Variants in MTHFD2 observed in about 807,000 individuals in gnomAD.
The protein encoded by MTHFD2 is bifunctional methylenetetrahydrofolate dehydrogenase/cyclohydrolase, mitochondrial.
A neutral mutation model predicts 36.8 loss-of-function variants in MTHFD2; 26 were observed. That is an observed-to-expected ratio of 0.71 (90% CI 0.52 to 0.98). The LOEUF is 0.98. Among genes scored for constraint, MTHFD2 ranks in the 50% least tolerant of loss-of-function variants. The pLI is 0.00. For synonymous variants in MTHFD2, 164 were observed against 155.2 expected (o/e 1.06, Z -0.42); for missense variants, 373 against 434.0 (o/e 0.86, Z 1.25).
chr2:74,211,893 A>T (rs756561557), intron 7 of MTHFD2, 27 bp downstream of exon 7: 6 of 1,589,172 alleles, frequency 3.8e-6, no homozygotes, highest in Admixed American at 1.7e-5. Context: ...TATTTTTAAA[A>T]ATGAAATCAA....
chr2:74,208,476 G>A (rs558715158), intron 3 of MTHFD2, 93 bp from the exon 4 acceptor site: 1 of 1,415,254 alleles, frequency 7.1e-7, no homozygotes, highest in Non-Finnish European at 9.7e-7. Flanking sequence ...AGCTGTAGAA[G>A]AATAGATTTC....
At position 74,211,214 on chromosome 2, in the gene MTHFD2, C is replaced by A. The variant is rs1455439368; in HGVS notation, c.686C>A (p.Thr229Lys). Residue 229 changes from threonine to lysine, a missense_variant, in exon 6 of 8, where the codon ACA (threonine) becomes AAA (lysine). By Grantham distance (78) the Thr-to-Lys change is moderately conservative. Coordinates refer to ENST00000394053, the MANE Select transcript of MTHFD2 (RefSeq NM_006636.4). ...TTCTTTCTAGGTGATGCCACTGTTA[C>A]AATATCTCATCGATATACTCCCAAA... ...HERPGGDATV[T>K]ISHRYTPKEQ... 3.7e-6 allele frequency: 6 copies of A among 1,604,094 alleles called. No homozygotes were observed. The African/African-American group carries it at 4.0e-5, about 11-fold the overall frequency.
chr2:74,203,859 T>TAGTTGAGTTG (rs1694102420), intron 1 of MTHFD2, among the ~76,000 whole-genome samples: 1 of 54,004 alleles, frequency 1.9e-5, no homozygotes, highest in South Asian at 4.5e-4. Context: ...TAGTTTAGTT[T>TAGTTGAGTTG]AGTTTAGTTT....
chr2:74,201,207 C>T (rs1172282697), intron 1 of MTHFD2, among the ~76,000 whole-genome samples: 1 of 151,866 alleles, frequency 6.6e-6, no homozygotes, highest in African/African-American at 2.4e-5. Flanking sequence ...AGGCTGGTCT[C>T]GACCTCCTGA....
At chr2:74,204,004 C>A (rs1296327412) in intron 1 of MTHFD2, among the ~76,000 whole-genome samples, 3 of 151,978 alleles carry the variant, frequency 2.0e-5, no homozygotes, top group African/African-American at 7.3e-5. Context: ...ACCTCTGCCT[C>A]CTGGGTTCAA....
At chr2:74,203,979 T>C (rs1207982723) in intron 1 of MTHFD2, among the ~76,000 whole-genome samples, 2 of 151,922 alleles carry the variant, frequency 1.3e-5, no homozygotes, top group Non-Finnish European at 2.9e-5. Flanking sequence ...AGTGGGGTGA[T>C]ATCAGCTCAC....
intron 6 of MTHFD2, 147 bp from the exon 7 acceptor site, chr2:74,211,594 A>T: frequency 1.3e-6 from 1 of 753,196 alleles, no homozygotes; most frequent in Non-Finnish European, 1.9e-6. Context: ...TAATAAAAGT[A>T]AATAGTTCCT....
At chr2:74,211,348 C>T in intron 6 of MTHFD2, 57 bp downstream of exon 6, 1 of 1,139,444 alleles carries the variant, frequency 8.8e-7, no homozygotes, top group Admixed American at 2.0e-5. Context: ...GAGGTTGTAC[C>T]CCTCATCTTA....
In MTHFD2 at chr2:74,211,297, A is replaced by C; in HGVS notation, c.763+6A>C. 1 of 1,571,376 alleles carries C rather than the reference A, an allele frequency of 6.4e-7. No homozygotes were observed. The highest frequency in any genetic ancestry group is 8.7e-7 in the Non-Finnish European group (1 of 1,143,528). On this transcript the variant is annotated splice_donor_region_variant and intron_variant, in intron 6 of 7. Coordinates refer to ENST00000394053, the MANE Select transcript of MTHFD2 (RefSeq NM_006636.4). ...TATTGTAATATCTGCTGCAGGTAAGAACACAAGGGGGATGGAGGGAAGGAC... is the reference window on the plus strand; with the variant it reads ...TATTGTAATATCTGCTGCAGGTAAGCACACAAGGGGGATGGAGGGAAGGAC...
At position 74,216,074 on chromosome 2, in the gene MTHFD2, T is replaced by C. The variant is rs1694437111; in HGVS notation, c.*1832T>C. On this transcript the variant is annotated 3_prime_UTR_variant, in exon 8 of 8. Coordinates refer to ENST00000394053, the MANE Select transcript of MTHFD2 (RefSeq NM_006636.4). ...GGCAGAAAGAGAAGAAACAATTGAG[T>C]TGACCTACCTCCGTCCTCGTTCTTC... 6.6e-6 allele frequency: 1 copy of C among 152,218 alleles called. No homozygotes were observed. Among genetic ancestry groups the C allele is most frequent in the Admixed American group, 6.5e-5 (1 of 15,278 alleles). 9.4% of individuals were successfully genotyped at this position (152,218 alleles called of 1,614,324 possible). A position where few individuals can be genotyped will look rare whatever the true frequency, so the allele number is the denominator to read the frequency against.
intron 7 of MTHFD2, among the ~76,000 whole-genome samples, chr2:74,212,395 T>C (rs10189152): frequency 5.7e-4 from 86 of 150,244 alleles, no homozygotes; most frequent in African/African-American, 2.0e-3. Context: ...GCCTCCCCAG[T>C]AGCCAGGACT....
At chr2:74,201,231 AC>A (rs1694036154) in intron 1 of MTHFD2, among the ~76,000 whole-genome samples, 1 of 151,860 alleles carries the variant, frequency 6.6e-6, no homozygotes, top group South Asian at 2.1e-4. Context: ...CAAATGATCC[AC>A]CCACCTTGAC....
rs745609691 is a variant in MTHFD2, at chr2:74,217,525, G to A, written c.*3283G>A. 2 of 152,164 alleles carry A rather than the reference G, an allele frequency of 1.3e-5. No individual in the cohort carries two copies. Among genetic ancestry groups the A allele is most frequent in the Non-Finnish European group, 2.9e-5 (2 of 68,026 alleles). 9.4% of individuals were successfully genotyped at this position (152,164 alleles called of 1,614,324 possible). A position where few individuals can be genotyped will look rare whatever the true frequency, so the allele number is the denominator to read the frequency against. ...GTATTGTTCACATGAATGGGAGTTT[G>A]ACTTTGGGAATAAACATTGAAAATT... On this transcript the variant is annotated 3_prime_UTR_variant, in exon 8 of 8. Coordinates refer to ENST00000394053, the MANE Select transcript of MTHFD2 (RefSeq NM_006636.4).
intron 7 of MTHFD2, 129 bp from the exon 8 acceptor site, chr2:74,213,949 TA>T: frequency 1.1e-6 from 1 of 927,286 alleles, no homozygotes; most frequent in Non-Finnish European, 1.6e-6. Context: ...TTGAATGATG[TA>T]GATGTGATTT....
Position 74,215,912 on chromosome 2 carries a change from C to T in MTHFD2, c.*1670C>T, listed in dbSNP as rs374153994. 3.0e-4 allele frequency: 46 copies of T among 152,330 alleles called. No homozygotes were observed. The highest frequency in any genetic ancestry group is 9.2e-4 in the African/African-American group (38 of 41,456). The allele number at this position is 152,330 out of a possible 1,614,324, so 9.4% of individuals were successfully genotyped here. ...GCGTGAGCCACTGCACCTGGCCTGT[C>T]CTACAGTCTTATATCACAACAGGTT... On this transcript the variant is annotated 3_prime_UTR_variant, in exon 8 of 8. Transcript: ENST00000394053.
Position 74,214,067 on chromosome 2 carries a change from GTTTCTA to G in MTHFD2, c.890-10_890-5del. The G allele has an allele frequency of 6.2e-7, 1 of 1,610,966 alleles. No individual in the cohort carries two copies. Among genetic ancestry groups the G allele is most frequent in the Admixed American group, 1.7e-5 (1 of 59,454 alleles). ...ATAACTAAAGCAGCCTGCCTGTCTT[GTTTCTA>G]TGTAGGAGTCAGACAAAAAGCTGGG... On this transcript the variant is annotated splice_polypyrimidine_tract_variant and splice_region_variant and intron_variant, in intron 7 of 7. Coordinates refer to ENST00000394053, the MANE Select transcript of MTHFD2 (RefSeq NM_006636.4).
chr2:74,209,869 T>C (rs1187653804), intron 4 of MTHFD2, 73 bp from the exon 5 acceptor site: 2 of 1,327,126 alleles, frequency 1.5e-6, no homozygotes, highest in East Asian at 5.1e-5. Context: ...ATTGGGTTCA[T>C]GTTCTAGGCC....
At chr2:74,209,204 T>A (rs1252953953) in intron 4 of MTHFD2, among the ~76,000 whole-genome samples, 1 of 151,920 alleles carries the variant, frequency 6.6e-6, no homozygotes, top group Non-Finnish European at 1.5e-5. Context: ...TGCTTTTTAA[T>A]CCAGAAGTCT....
chr2:74,204,709 G>A (rs1694137892), intron 1 of MTHFD2, among the ~76,000 whole-genome samples: 1 of 152,208 alleles, frequency 6.6e-6, no homozygotes, highest in African/African-American at 2.4e-5. Flanking sequence ...CCAACTGTGA[G>A]AAGGAGCTTC....
Sources: gnomAD v4.1 joint callset for allele counts (sites outside exome capture counted in the v4.1 genomes callset) on GRCh38, gnomAD v4.1.1 for gene constraint, MANE v1.5 for transcripts, NCBI Gene and HGNC (gene_info 2026-07-23, HGNC 2026-07-21) for gene names.